NAALADL2: variants seen among roughly 807,000 people sequenced by gnomAD.
NAALADL2 encodes N-acetylated alpha-linked acidic dipeptidase like 2.
In NAALADL2, 76 loss-of-function variants were observed where a neutral mutation model predicts 87.2. The observed-to-expected ratio is 0.87, with a 90% CI of 0.72 to 1.05. The LOEUF (loss-of-function observed/expected upper bound fraction) is 1.05. Among genes scored for constraint, NAALADL2 ranks in the 50% least tolerant of loss-of-function variants. The probability of loss-of-function intolerance (pLI) is 0.00; values close to 1 mark genes in which losing one functional copy is unlikely to be tolerated. For missense variants in NAALADL2, 1,089 were observed against 945.8 expected (o/e 1.15, Z -1.99); for synonymous variants, 354 against 331.0 (o/e 1.07, Z -0.75).
chr3:175,324,250 A>C lies in NAALADL2; in HGVS notation c.1015A>C (p.Asn339His). 9 of 1,613,750 alleles carry C rather than the reference A, an allele frequency of 5.6e-6. No homozygotes were observed. Among genetic ancestry groups the C allele is most frequent in the Non-Finnish European group, 7.6e-6 (9 of 1,179,772 alleles). The change falls in exon 5 of 14, where the codon AAT becomes CAT. Residue 339 changes from asparagine (N) to histidine (H), a missense_variant. Transcript: ENST00000454872. ...IDPCDLPKTV[N>H]PSHDTFMVSL... is the part of the protein sequence containing the mutation. Reference sequence around the variant, plus strand: ...TCCTTGTGATTTGCCAAAGACTGTGAATCCTAGCCATGATACCTTCATGGT... The same window carrying C: ...TCCTTGTGATTTGCCAAAGACTGTGCATCCTAGCCATGATACCTTCATGGT...
chr3:175,233,900 T>C, intron 2 of NAALADL2, 31 bp from the exon 3 acceptor site: 1 of 1,340,784 alleles, frequency 7.5e-7, no homozygotes, highest in Non-Finnish European at 1.0e-6. Context: ...TTCTCCTTTT[T>C]AAAAAAGTTT....
intron 13 of NAALADL2, among the ~76,000 whole-genome samples, chr3:175,788,089 T>G (rs1181906154): frequency 3.1e-4 from 18 of 58,096 alleles, no homozygotes; most frequent in African/African-American, 2.3e-3. Flanking sequence ...TTTTTACCTG[T>G]TTTTTTTTTT....
intron 9 of NAALADL2, among the ~76,000 whole-genome samples, chr3:175,533,068 A>G (rs1241629477): frequency 6.6e-6 from 1 of 152,150 alleles, no homozygotes; most frequent in East Asian, 1.9e-4. Flanking sequence ...ATTCCAACTA[A>G]CCAAACAAAT....
intron 1 of NAALADL2, among the ~76,000 whole-genome samples, chr3:174,937,646 G>A (rs1371486265): frequency 6.6e-6 from 1 of 152,056 alleles, no homozygotes; most frequent in Non-Finnish European, 1.5e-5. Context: ...GGGTTGCTAA[G>A]CAACTTGCCA....
chr3:175,769,420 T>G (rs1255143919), intron 13 of NAALADL2, among the ~76,000 whole-genome samples: 2 of 152,212 alleles, frequency 1.3e-5, no homozygotes, highest in African/African-American at 2.4e-5. Context: ...GGGATTAACT[T>G]GGGCTGAGAC....
rs184065239 is a variant in NAALADL2, at chr3:175,368,948, T to G, written c.1090+44623T>G. On this transcript the variant is annotated intron_variant, in intron 5 of 13. Coordinates refer to ENST00000454872, the MANE Select transcript of NAALADL2 (RefSeq NM_207015.3). ...TGTATAGGGCACTTTTCATGGAACT[T>G]GTGGGAGTAGAAGTTGCTCTGGGTG... Among the ~76,000 whole-genome samples the G allele has an allele frequency of 4.1e-3, 631 of 152,194 alleles. 3 individuals carry two copies. The highest frequency in any genetic ancestry group is 0.014 in the African/African-American group (587 of 41,526).
chr3:174,893,311 C>T (rs914935041), intron 1 of NAALADL2, among the ~76,000 whole-genome samples: 1 of 97,002 alleles, frequency 1.0e-5, no homozygotes, highest in East Asian at 4.8e-4. Flanking sequence ...AGTACTTCAA[C>T]CCCCCCCCGC....
At chr3:174,964,686 A>G (rs1219302511) in intron 1 of NAALADL2, among the ~76,000 whole-genome samples, 3 of 152,018 alleles carry the variant, frequency 2.0e-5, no homozygotes, top group Non-Finnish European at 4.4e-5. Context: ...CAGACAATTA[A>G]CTACTGGGTT....
intron 2 of NAALADL2, among the ~76,000 whole-genome samples, chr3:175,123,562 T>C (rs1726471309): frequency 6.6e-6 from 1 of 151,970 alleles, no homozygotes; most frequent in Non-Finnish European, 1.5e-5. Context: ...ATTTCGGACT[T>C]TCTCTTTCTA....
At chr3:174,472,504 G>C (rs898098928) in intron 1 of NAALADL2, among the ~76,000 whole-genome samples, 2 of 152,016 alleles carry the variant, frequency 1.3e-5, no homozygotes, top group Non-Finnish European at 2.9e-5. Context: ...AAAAGAGGGA[G>C]GGATCACAAA....
chr3:175,425,307 G>A (rs1458710062), intron 5 of NAALADL2, among the ~76,000 whole-genome samples: 1 of 152,080 alleles, frequency 6.6e-6, no homozygotes, highest in African/African-American at 2.4e-5. Flanking sequence ...AATCCTATAT[G>A]CTCAAGATGC....
At chr3:175,116,838 A>G (rs183458902) in intron 2 of NAALADL2, among the ~76,000 whole-genome samples, 11,949 of 152,232 alleles carry the variant, frequency 0.078, 584 homozygotes, top group Non-Finnish European at 0.11. Flanking sequence ...AGCTGGAGGC[A>G]TCACACTACC....
At chr3:174,487,083 T>C (rs1560010599) in intron 1 of NAALADL2, among the ~76,000 whole-genome samples, 1 of 152,002 alleles carries the variant, frequency 6.6e-6, no homozygotes, top group Non-Finnish European at 1.5e-5. Context: ...CGATGGAAGC[T>C]GATAAGCTGT....
In NAALADL2 at chr3:174,911,261, C is replaced by T. The variant is rs768761422; in HGVS notation, c.43+51811C>T. Among the ~76,000 whole-genome samples, 16 of 151,958 alleles carry T rather than the reference C, an allele frequency of 1.1e-4. 1 individual carries two copies. Among genetic ancestry groups the T allele is most frequent in the Admixed American group, 6.6e-4 (10 of 15,238 alleles). On this transcript the variant is annotated intron_variant, in intron 1 of 13. Transcript: ENST00000454872. The stretch of plus-strand genomic sequence containing the variant: ...CTAGGTTCTTGCTAATTGTATAGTC[C>T]GCTTCATTTTGACATAGTGACTGAT...
At chr3:175,719,947 A>G (rs1430781760) in intron 11 of NAALADL2, among the ~76,000 whole-genome samples, 2 of 152,184 alleles carry the variant, frequency 1.3e-5, no homozygotes, top group African/African-American at 4.8e-5. Context: ...TTCTAAGGAC[A>G]CTAATCCCAA....
intron 5 of NAALADL2, among the ~76,000 whole-genome samples, chr3:175,390,331 A>G (rs983194676): frequency 6.6e-6 from 1 of 152,204 alleles, no homozygotes; most frequent in Non-Finnish European, 1.5e-5. Flanking sequence ...GCCATTCTAT[A>G]GAAAATCAGT....
intron 3 of NAALADL2, among the ~76,000 whole-genome samples, chr3:174,796,340 C>T (rs183861927): frequency 6.6e-6 from 1 of 152,224 alleles, no homozygotes; most frequent in East Asian, 1.9e-4. Flanking sequence ...ACATTATACC[C>T]ATTAAGTAAT....
chr3:174,444,349 G>A (rs1577925803), intron 1 of NAALADL2, among the ~76,000 whole-genome samples: 1 of 152,128 alleles, frequency 6.6e-6, no homozygotes, highest in East Asian at 1.9e-4. Context: ...TGAGATCCAG[G>A]TGTGGTACAT....
chr3:174,927,379 C>G (rs1378774989), intron 1 of NAALADL2, among the ~76,000 whole-genome samples: 16 of 152,206 alleles, frequency 1.1e-4, no homozygotes, highest in Non-Finnish European at 2.4e-4. Flanking sequence ...CTACAGAACT[C>G]TCCACCTCAA....
Sources: gnomAD v4.1 joint callset for allele counts (sites outside exome capture counted in the v4.1 genomes callset) on GRCh38, gnomAD v4.1.1 for gene constraint, MANE v1.5 for transcripts, NCBI Gene and HGNC (gene_info 2026-07-23, HGNC 2026-07-21) for gene names.